The following WDFY1 variants were observed in gnomAD, a reference collection of about 807,000 sequenced individuals.
WDFY1 encodes the protein WD repeat and FYVE domain-containing protein 1.
Under a neutral mutation model 56.4 loss-of-function variants are expected in WDFY1, and 32 were observed. The observed-to-expected ratio is 0.57, with a 90% CI of 0.43 to 0.76. The LOEUF (loss-of-function observed/expected upper bound fraction) is 0.76. Among genes scored for constraint, WDFY1 ranks in the 30% least tolerant of loss-of-function variants. The pLI, the probability that WDFY1 is intolerant of heterozygous loss-of-function variation, is 0.00. For synonymous variants in WDFY1, 192 were observed against 197.3 expected (o/e 0.97, Z 0.23); for missense variants, 480 against 545.7 (o/e 0.88, Z 1.20).
chr2:223,885,399 A>G (rs922894595), intron 8 of WDFY1, among the ~76,000 whole-genome samples: 1 of 151,788 alleles, frequency 6.6e-6, no homozygotes. Flanking sequence ...ATCTCACTAT[A>G]TTTCCCAGGC....
chr2:223,912,841 T>A (rs1382633449), intron 2 of WDFY1, among the ~76,000 whole-genome samples: 1 of 152,216 alleles, frequency 6.6e-6, no homozygotes, highest in African/African-American at 2.4e-5. Flanking sequence ...TTCCATGTTC[T>A]ACCCTACCCT....
chr2:223,897,861 C>A (rs541169198), intron 6 of WDFY1, among the ~76,000 whole-genome samples: 1 of 152,176 alleles, frequency 6.6e-6, no homozygotes, highest in Non-Finnish European at 1.5e-5. Context: ...CACCCCCACT[C>A]CTGCTTTTGT....
rs1396911542 is a variant in WDFY1, at chr2:223,876,378, G to C, written c.*2293C>G. On this transcript the variant is annotated 3_prime_UTR_variant, in exon 12 of 12. Transcript: ENST00000233055. The stretch of plus-strand genomic sequence containing the variant: ...TCTTCTGTGCCTACTCAGTAAAATT[G>C]AGAAAATAATTTTTGCCCACTTCTA... The C allele has an allele frequency of 6.6e-6, 1 of 152,516 alleles. No homozygotes were observed. The highest frequency in any genetic ancestry group is 1.5e-5 in the Non-Finnish European group (1 of 67,998). 9.4% of individuals were successfully genotyped at this position (152,516 alleles called of 1,614,324 possible).
At chr2:223,935,292 C>A (rs990078371) in intron 1 of WDFY1, among the ~76,000 whole-genome samples, 35 of 152,284 alleles carry the variant, frequency 2.3e-4, no homozygotes, top group Admixed American at 6.5e-4. Context: ...CTTAAAATTT[C>A]TTTGACGGTG....
chr2:223,939,725 C>A (rs1218544026), intron 1 of WDFY1, among the ~76,000 whole-genome samples: 1 of 152,172 alleles, frequency 6.6e-6, no homozygotes, highest in East Asian at 1.9e-4. Context: ...TTATTTCCCA[C>A]TGGGTCCCTC....
chr2:223,878,793 A>C, intron 11 of WDFY1, 63 bp from the exon 12 acceptor site: 1 of 1,586,236 alleles, frequency 6.3e-7, no homozygotes, highest in Non-Finnish European at 8.6e-7. Flanking sequence ...GGCAAGAGTC[A>C]ACACAGACAA....
intron 1 of WDFY1, among the ~76,000 whole-genome samples, chr2:223,922,867 A>G (rs1693908774): frequency 6.6e-6 from 1 of 152,238 alleles, no homozygotes; most frequent in South Asian, 2.1e-4. Context: ...CCCAAAGTCA[A>G]AATCGAACCT....
chr2:223,918,099 A>AAC, intron 1 of WDFY1, 89 bp from the exon 2 acceptor site: 1 of 1,406,772 alleles, frequency 7.1e-7, no homozygotes, highest in Non-Finnish European at 9.8e-7. Flanking sequence ...AAATTTGTTT[A>AAC]ACACTATTTC....
rs1559169943 is a variant in WDFY1 at position 223,911,612 on chromosome 2, ACAC to A, written c.279+638_279+640del. On this transcript the variant is annotated intron_variant, in intron 3 of 11. Transcript: ENST00000233055. ...CACACACACACACACACACACACAC[ACAC>A]AGAGTGACAGAGGCTCTCCACCATC... Among the ~76,000 whole-genome samples, 79 of 147,228 alleles carry A rather than the reference ACAC, an allele frequency of 5.4e-4. 2 individuals are homozygous for A. Among genetic ancestry groups the A allele is most frequent in the African/African-American group, 2.0e-3 (77 of 38,836 alleles).
intron 9 of WDFY1, 33 bp from the exon 10 acceptor site, chr2:223,882,105 T>G (rs771227725): frequency 7.9e-5 from 126 of 1,600,744 alleles, no homozygotes; most frequent in Non-Finnish European, 1.0e-4. Context: ...GAAAACAGGG[T>G]GTTAGCTTTC....
intron 1 of WDFY1, among the ~76,000 whole-genome samples, chr2:223,932,364 C>T (rs1465204825): frequency 9.2e-5 from 14 of 151,874 alleles, no homozygotes; most frequent in Non-Finnish European, 1.6e-4. Flanking sequence ...CATTGTGATT[C>T]GCCCACCTCG....
intron 1 of WDFY1, among the ~76,000 whole-genome samples, chr2:223,929,180 C>CTGTTTTT (rs770924235): frequency 0.098 from 4,280 of 43,700 alleles, 155 homozygotes; most frequent in African/African-American, 0.15. Flanking sequence ...TTTTTTCTTT[C>CTGTTTTT]TGTTTTTTGT....
chr2:223,929,492 G>A (rs1198788402), intron 1 of WDFY1, among the ~76,000 whole-genome samples: 1 of 151,964 alleles, frequency 6.6e-6, no homozygotes, highest in East Asian at 1.9e-4. Flanking sequence ...CCAGCCTCCT[G>A]CTTAACTTCC....
rs1283475428 is a variant in WDFY1 at position 223,877,277 on chromosome 2, G to A, written c.*1394C>T. Reference sequence around the variant, plus strand: ...TGGAATGACCCTATTGTCCTGGTATGATCCCAACACAGTGATGCAGTACTG... The same window carrying A: ...TGGAATGACCCTATTGTCCTGGTATAATCCCAACACAGTGATGCAGTACTG... On this transcript the variant is annotated 3_prime_UTR_variant, in exon 12 of 12. Coordinates refer to ENST00000233055, the MANE Select transcript of WDFY1 (RefSeq NM_020830.5). 2.7e-5 allele frequency: 4 copies of A among 150,824 alleles called. No homozygotes were observed. Among genetic ancestry groups the A allele is most frequent in the African/African-American group, 7.3e-5 (3 of 41,080 alleles). The allele number at this position is 150,824 out of a possible 1,614,324, so 9.3% of individuals were successfully genotyped here.
chr2:223,913,394 G>A (rs1419109700), intron 2 of WDFY1, among the ~76,000 whole-genome samples: 1 of 152,108 alleles, frequency 6.6e-6, no homozygotes, highest in Non-Finnish European at 1.5e-5. Flanking sequence ...CATAGAGACT[G>A]TTTCAGTTGC....
chr2:223,905,898 G>C, intron 4 of WDFY1, 49 bp downstream of exon 4: 1 of 1,295,200 alleles, frequency 7.7e-7, no homozygotes, highest in Non-Finnish European at 1.0e-6. Context: ...TTCTAGTTTT[G>C]TGTATGTCTA....
At chr2:223,934,894 G>A (rs1694143575) in intron 1 of WDFY1, among the ~76,000 whole-genome samples, 1 of 152,210 alleles carries the variant, frequency 6.6e-6, no homozygotes, top group African/African-American at 2.4e-5. Context: ...AGAGCTATGA[G>A]GACAGAAAAA....
At chr2:223,936,808 T>C (rs1236683210) in intron 1 of WDFY1, among the ~76,000 whole-genome samples, 2 of 152,244 alleles carry the variant, frequency 1.3e-5, no homozygotes, top group Admixed American at 1.3e-4. Flanking sequence ...CAAGGGCACC[T>C]ACATGACCAG....
chr2:223,927,656 G>A (rs1694006921), intron 1 of WDFY1, among the ~76,000 whole-genome samples: 1 of 152,148 alleles, frequency 6.6e-6, no homozygotes, highest in Non-Finnish European at 1.5e-5. Flanking sequence ...TCTTATTCAT[G>A]TTTTCACTAG....
Sources: allele counts gnomAD v4.1 joint callset (sites outside exome capture counted in the v4.1 genomes callset), GRCh38; gene constraint gnomAD v4.1.1; transcripts MANE v1.5; gene names NCBI Gene and HGNC (gene_info 2026-07-23, HGNC 2026-07-21).